Variants in SAMD5 observed in about 807,000 individuals in gnomAD.
The protein encoded by SAMD5 is sterile alpha motif domain containing 5.
SAMD5 carries 13 observed loss-of-function variants against 11.3 expected under a neutral mutation model. That is an observed-to-expected ratio of 1.15 (90% confidence interval 0.75 to 1.83). The LOEUF (loss-of-function observed/expected upper bound fraction) is 1.83. Ranked by LOEUF, SAMD5 falls within the 40% of genes most tolerant of loss-of-function variation. SAMD5 has a pLI of 0.00. For synonymous variants in SAMD5, 129 were observed against 111.3 expected, an observed-to-expected ratio of 1.16 and a Z score of -1.00; for missense variants, 255 against 239.1, an observed-to-expected ratio of 1.07 and a Z score of -0.44.
chr6:147,545,789 A>G (rs1052193553), intron 1 of SAMD5, among the ~76,000 whole-genome samples: 6 of 152,220 alleles, frequency 3.9e-5, no homozygotes, highest in Admixed American at 1.3e-4. Context: ...ATCAGGTTAT[A>G]TACCTTTCTT....
the SAMD5 span, among the ~76,000 whole-genome samples, chr6:147,763,149 G>T: frequency 6.6e-6 from 1 of 151,744 alleles, no homozygotes; most frequent in African/African-American, 2.4e-5. Flanking sequence ...TTTTTTCATT[G>T]TGGTTTTTTG....
At chr6:147,866,828 A>G in the SAMD5 span, among the ~76,000 whole-genome samples, 2 of 152,196 alleles carry the variant, frequency 1.3e-5, no homozygotes, top group African/African-American at 2.4e-5. Context: ...AAAAAAAGAA[A>G]GAGAGAAGGG....
intron 1 of SAMD5, among the ~76,000 whole-genome samples, chr6:147,666,031 A>G (rs1790713652): frequency 1.3e-5 from 2 of 152,068 alleles, no homozygotes; most frequent in Non-Finnish European, 2.9e-5. Context: ...CTCCGCCTCC[A>G]GGGTTCAGAC....
At chr6:147,794,951 C>T in the SAMD5 span, among the ~76,000 whole-genome samples, 1 of 151,612 alleles carries the variant, frequency 6.6e-6, no homozygotes, top group Non-Finnish European at 1.5e-5. Context: ...ACAGGGACCT[C>T]AAGATAAGGG....
the SAMD5 span, among the ~76,000 whole-genome samples, chr6:147,798,569 G>A: frequency 5.9e-5 from 9 of 151,862 alleles, no homozygotes; most frequent in South Asian, 1.5e-3. Flanking sequence ...AGAGTTCTGT[G>A]GATGTCTATT....
the SAMD5 span, among the ~76,000 whole-genome samples, chr6:147,889,607 C>A: frequency 6.6e-6 from 1 of 152,160 alleles, no homozygotes; most frequent in Non-Finnish European, 1.5e-5. Flanking sequence ...TTTGTTCTGT[C>A]ACAAAATTTG....
At chr6:147,651,217 A>C (rs1457565230) in intron 1 of SAMD5, among the ~76,000 whole-genome samples, 2 of 152,232 alleles carry the variant, frequency 1.3e-5, no homozygotes, top group African/African-American at 4.8e-5. Context: ...AAAGTGATTA[A>C]AGCTCTTTGG....
At chr6:147,870,854 T>C in the SAMD5 span, among the ~76,000 whole-genome samples, 4,680 of 150,554 alleles carry the variant, frequency 0.031, 257 homozygotes, top group African/African-American at 0.11. Context: ...AAGGAAAACT[T>C]TGAAGCACAC....
the SAMD5 span, among the ~76,000 whole-genome samples, chr6:147,831,784 T>C: frequency 6.6e-6 from 1 of 152,176 alleles, no homozygotes; most frequent in South Asian, 2.1e-4. Flanking sequence ...CAGCTGAATT[T>C]TTTTTTTAAT....
intron 1 of SAMD5, among the ~76,000 whole-genome samples, chr6:147,547,800 G>A (rs1357482646): frequency 2.0e-5 from 3 of 152,118 alleles, no homozygotes; most frequent in African/African-American, 7.2e-5. Context: ...CGTTGACTGC[G>A]TTTATTTCTG....
At chr6:147,598,897 T>A (rs1294231006) in intron 1 of SAMD5, among the ~76,000 whole-genome samples, 2 of 152,174 alleles carry the variant, frequency 1.3e-5, no homozygotes, top group African/African-American at 2.4e-5. Context: ...TCACTGGAAC[T>A]GAATATGCAC....
chr6:147,949,617 T>G, the SAMD5 span, among the ~76,000 whole-genome samples: 1 of 152,336 alleles, frequency 6.6e-6, no homozygotes, highest in Admixed American at 6.5e-5. Flanking sequence ...GCCAGCAAAC[T>G]TATCTAAAAT....
intron 1 of SAMD5, among the ~76,000 whole-genome samples, chr6:147,613,006 C>T (rs1437850711): frequency 6.6e-6 from 1 of 152,058 alleles, no homozygotes; most frequent in Non-Finnish European, 1.5e-5. Flanking sequence ...CGAGACCAGC[C>T]TTGCTAATAT....
chr6:147,885,377 G>T, the SAMD5 span, among the ~76,000 whole-genome samples: 1 of 152,176 alleles, frequency 6.6e-6, no homozygotes, highest in South Asian at 2.1e-4. Flanking sequence ...TAGGACTTTC[G>T]CTTGATAACA....
chr6:147,751,786 C>G, the SAMD5 span, among the ~76,000 whole-genome samples: 1 of 152,034 alleles, frequency 6.6e-6, no homozygotes, highest in Non-Finnish European at 1.5e-5. Context: ...TAGGACCTTT[C>G]TTTATTCTTT....
At chr6:147,756,252 C>T in the SAMD5 span, among the ~76,000 whole-genome samples, 1 of 152,062 alleles carries the variant, frequency 6.6e-6, no homozygotes, top group Non-Finnish European at 1.5e-5. Context: ...TATACTAAAA[C>T]TGATTTGGGC....
the SAMD5 span, among the ~76,000 whole-genome samples, chr6:147,914,719 A>G: frequency 6.6e-6 from 1 of 152,148 alleles, no homozygotes; most frequent in Non-Finnish European, 1.5e-5. Flanking sequence ...CAAGGGGAAA[A>G]ACAGTAATTA....
chr6:147,661,628 G>GTTTA (rs534381627), intron 1 of SAMD5, among the ~76,000 whole-genome samples: 74 of 152,144 alleles, frequency 4.9e-4, no homozygotes, highest in African/African-American at 1.7e-3. Context: ...GTGTTTGTTT[G>GTTTA]TTTATTTATT....
intron 1 of SAMD5, among the ~76,000 whole-genome samples, chr6:147,637,134 G>A (rs1427860012): frequency 2.6e-5 from 4 of 152,102 alleles, no homozygotes; most frequent in Admixed American, 6.5e-5. Context: ...TTAGATGGCC[G>A]CCATTCTCTA....
Sources: gnomAD v4.1 joint callset for allele counts (sites outside exome capture counted in the v4.1 genomes callset) on GRCh38, gnomAD v4.1.1 for gene constraint, MANE v1.5 for transcripts, NCBI Gene and HGNC (gene_info 2026-07-23, HGNC 2026-07-21) for gene names.